Variants in DGKB observed in about 807,000 individuals in gnomAD.
The protein encoded by DGKB is diacylglycerol kinase beta.
DGKB carries 67 observed loss-of-function variants against 114.3 expected under a neutral mutation model. The observed-to-expected ratio is 0.59, with a 90% confidence interval of 0.48 to 0.72. The LOEUF is 0.72. Among genes scored for constraint, DGKB ranks in the 30% least tolerant of loss-of-function variants. The pLI is 0.00. For missense variants in DGKB, 907 were observed against 975.2 expected (o/e 0.93, Z 0.93); for synonymous variants, 398 against 323.1 (o/e 1.23, Z -2.49).
intron 23 of DGKB, among the ~76,000 whole-genome samples, chr7:14,265,245 C>T (rs544003100): frequency 2.7e-5 from 4 of 147,992 alleles, no homozygotes; most frequent in African/African-American, 7.5e-5. Context: ...GGGTTTGGCT[C>T]GGGCTTACTT....
intron 6 of DGKB, among the ~76,000 whole-genome samples, chr7:14,708,597 G>A (rs913308392): frequency 6.6e-6 from 1 of 151,220 alleles, no homozygotes; most frequent in Non-Finnish European, 1.5e-5. Flanking sequence ...AAACAGCATG[G>A]TACTGGTACC....
chr7:14,358,954 G>A (rs894301361), intron 21 of DGKB, among the ~76,000 whole-genome samples: 2 of 151,938 alleles, frequency 1.3e-5, no homozygotes, highest in Non-Finnish European at 2.9e-5. Flanking sequence ...CTACCTTAAA[G>A]TTCATATGGG....
chr7:14,229,666 G>A (rs553265019), intron 23 of DGKB, among the ~76,000 whole-genome samples: 1 of 151,936 alleles, frequency 6.6e-6, no homozygotes, highest in South Asian at 2.1e-4. Flanking sequence ...GAAAATTACT[G>A]GGGTTAATCT....
chr7:14,333,420 C>CA (rs1282797378), intron 23 of DGKB, among the ~76,000 whole-genome samples: 4 of 147,364 alleles, frequency 2.7e-5, no homozygotes, highest in Middle Eastern at 3.3e-3. Context: ...GAGATCCCAC[C>CA]ACTGCAATCC....
At position 14,249,409 on chromosome 7, in the gene DGKB, G is replaced by C. The variant is rs1031120251; in HGVS notation, c.2123-71258C>G. Among the ~76,000 whole-genome samples the C allele has an allele frequency of 3.9e-5, 6 of 152,022 alleles. No homozygotes were observed. In the South Asian group the frequency reaches 6.2e-4, roughly 16 times the overall value. On this transcript the variant is annotated intron_variant, in intron 23 of 25. Transcript: ENST00000402815. ...CTTCTTCCATTTTTTGAAGAGTTTA[G>C]GAAGCACTGGCATTCTTTTTAAATG... is the stretch of plus-strand genomic sequence containing the variant.
chr7:14,789,463 G>A (rs1034122140), intron 2 of DGKB, among the ~76,000 whole-genome samples: 1 of 152,004 alleles, frequency 6.6e-6, no homozygotes, highest in African/African-American at 2.4e-5. Context: ...TGTGGTATAG[G>A]GCTACCACAG....
At chr7:14,372,449 G>A (rs1817817835) in intron 21 of DGKB, among the ~76,000 whole-genome samples, 1 of 152,108 alleles carries the variant, frequency 6.6e-6, no homozygotes. Context: ...GGTTTATGGT[G>A]AACTTAACCT....
intron 23 of DGKB, among the ~76,000 whole-genome samples, chr7:14,336,318 T>C (rs1307526154): frequency 6.6e-6 from 1 of 152,166 alleles, no homozygotes; most frequent in East Asian, 1.9e-4. Flanking sequence ...TTAAAAAATA[T>C]TCAGCTCAAA....
At chr7:14,826,639 G>A (rs1845741502) in intron 2 of DGKB, among the ~76,000 whole-genome samples, 1 of 152,090 alleles carries the variant, frequency 6.6e-6, no homozygotes, top group African/African-American at 2.4e-5. Flanking sequence ...TTTGAACCAT[G>A]ACCCTGTAGT....
intron 23 of DGKB, among the ~76,000 whole-genome samples, chr7:14,195,815 C>A (rs1784935146): frequency 6.6e-6 from 1 of 152,036 alleles, no homozygotes; most frequent in Non-Finnish European, 1.5e-5. Context: ...CCTTGTAAAA[C>A]AGAACTGTTT....
At chr7:14,228,059 G>A (rs1295122766) in intron 23 of DGKB, among the ~76,000 whole-genome samples, 1 of 152,036 alleles carries the variant, frequency 6.6e-6, no homozygotes, top group Non-Finnish European at 1.5e-5. Flanking sequence ...TATAGGCTCA[G>A]AGAACTCAAT....
intron 23 of DGKB, among the ~76,000 whole-genome samples, chr7:14,224,893 A>G (rs879556622): frequency 1.3e-5 from 2 of 152,070 alleles, no homozygotes; most frequent in Non-Finnish European, 2.9e-5. Context: ...GCCCTGGTGC[A>G]TAGATTGCTT....
At chr7:14,408,799 A>G (rs902204156) in intron 21 of DGKB, among the ~76,000 whole-genome samples, 1 of 152,092 alleles carries the variant, frequency 6.6e-6, no homozygotes, top group Non-Finnish European at 1.5e-5. Flanking sequence ...TTTTTTTTCA[A>G]CAAATATATT....
rs1825591466 is a variant in DGKB at position 14,415,576 on chromosome 7, C to T, written c.1835+62585G>A. Among the ~76,000 whole-genome samples, 5 of 152,062 alleles carry T rather than the reference C, an allele frequency of 3.3e-5. 1 individual carries two copies. In the South Asian group the frequency reaches 1.0e-3, roughly 32 times the overall value. ...GAGAATGATGGTTTCCAGCTTCATCCATGTCCCTACAAAGGACATGAACTC... is the reference window on the plus strand; with the variant it reads ...GAGAATGATGGTTTCCAGCTTCATCTATGTCCCTACAAAGGACATGAACTC... On this transcript the variant is annotated intron_variant, in intron 21 of 25. Transcript: ENST00000402815.
At chr7:14,328,301 G>T (rs546148840) in intron 23 of DGKB, among the ~76,000 whole-genome samples, 2 of 151,880 alleles carry the variant, frequency 1.3e-5, no homozygotes, top group African/African-American at 2.4e-5. Context: ...AATGTTCTTC[G>T]TTATTCAATA....
chr7:14,295,787 T>C (rs1446727013), intron 23 of DGKB, among the ~76,000 whole-genome samples: 1 of 152,086 alleles, frequency 6.6e-6, no homozygotes, highest in Non-Finnish European at 1.5e-5. Context: ...ACATGTGCCA[T>C]GGTGGTTTGC....
intron 2 of DGKB, among the ~76,000 whole-genome samples, chr7:14,786,516 C>T (rs981622358): frequency 2.0e-5 from 3 of 152,172 alleles, no homozygotes; most frequent in East Asian, 1.9e-4. Flanking sequence ...TCCCTGGAGC[C>T]GGGGGGAACC....
At chr7:14,974,207 G>A (rs1787658655) in intron 1 of DGKB, among the ~76,000 whole-genome samples, 1 of 151,964 alleles carries the variant, frequency 6.6e-6, no homozygotes, top group South Asian at 2.1e-4. Flanking sequence ...TGGCAGCTGT[G>A]CATTTGTAAA....
intron 17 of DGKB, among the ~76,000 whole-genome samples, chr7:14,598,964 G>A (rs376842579): frequency 1.1e-4 from 16 of 152,128 alleles, no homozygotes; most frequent in African/African-American, 3.6e-4. Flanking sequence ...TAATGGGCTG[G>A]CATAAAAGGG....
Sources: allele counts gnomAD v4.1 joint callset (sites outside exome capture counted in the v4.1 genomes callset), GRCh38; gene constraint gnomAD v4.1.1; transcripts MANE v1.5; gene names NCBI Gene and HGNC (gene_info 2026-07-23, HGNC 2026-07-21).